Variants in AKT3 observed in about 807,000 individuals in gnomAD.
The protein encoded by AKT3 is AKT serine/threonine kinase 3, also known as RAC-gamma serine/threonine-protein kinase.
Under a neutral mutation model 65.3 loss-of-function variants are expected in AKT3, and 15 were observed. That is an observed-to-expected ratio of 0.23 (90% CI 0.15 to 0.35). The LOEUF (loss-of-function observed/expected upper bound fraction) is 0.35. Ranked by LOEUF, AKT3 falls within the 10% of genes least tolerant of loss-of-function variation. AKT3 has a pLI of 1.00. For synonymous variants in AKT3, 206 were observed against 183.8 expected, an observed-to-expected ratio of 1.12 and a Z score of -0.98; for missense variants, 243 against 576.5, an observed-to-expected ratio of 0.42 and a Z score of 5.92.
intron 5 of AKT3, among the ~76,000 whole-genome samples, chr1:243,641,390 CATT>C (rs1474950135): frequency 6.7e-6 from 1 of 149,504 alleles, no homozygotes. Flanking sequence ...AACTCAGAAA[CATT>C]ATTTTCATAA....
chr1:243,807,105 A>G lies in AKT3; in HGVS notation c.46+36020T>C, dbSNP rs147724669. On this transcript the variant is annotated intron_variant, in intron 2 of 13. Transcript: ENST00000673466. ...GCTACAGTCTACAGATCCCAGTGTG[A>G]GCGACACAGAAGACGGGTGATTTCT... Among the ~76,000 whole-genome samples the G allele has an allele frequency of 4.9e-3, 750 of 152,316 alleles. 5 individuals carry two copies. Among genetic ancestry groups the G allele is most frequent in the African/African-American group, 0.017 (704 of 41,580 alleles).
intron 12 of AKT3, among the ~76,000 whole-genome samples, chr1:243,523,258 CG>C: frequency 7.9e-6 from 1 of 126,316 alleles, no homozygotes; most frequent in Non-Finnish European, 1.6e-5. Flanking sequence ...CCAAAAAGGA[CG>C]AACACACACA....
chr1:243,523,260 A>AACACACACACACACACACACACACACAC (rs547403507), intron 12 of AKT3, among the ~76,000 whole-genome samples: 3 of 126,402 alleles, frequency 2.4e-5, no homozygotes, highest in African/African-American at 6.0e-5. Flanking sequence ...AAAAAGGACG[A>AACACACACACACACACACACACACACAC]ACACACACAC....
At chr1:243,605,092 A>G (rs1677296453) in intron 8 of AKT3, among the ~76,000 whole-genome samples, 2 of 152,142 alleles carry the variant, frequency 1.3e-5, no homozygotes, top group African/African-American at 4.8e-5. Context: ...TAGCACAACC[A>G]TGGCTCACTA....
chr1:243,657,837 T>A (rs755214557), intron 4 of AKT3, among the ~76,000 whole-genome samples: 33 of 152,028 alleles, frequency 2.2e-4, no homozygotes, highest in Non-Finnish European at 4.1e-4. Flanking sequence ...TAAAACCATA[T>A]ATATATACAG....
intron 8 of AKT3, among the ~76,000 whole-genome samples, chr1:243,597,176 T>A (rs567605725): frequency 6.6e-6 from 1 of 152,310 alleles, no homozygotes; most frequent in East Asian, 1.9e-4. Context: ...AGTCATCTAA[T>A]CATATACTTA....
chr1:243,581,450 A>T (rs1675344973), intron 8 of AKT3, among the ~76,000 whole-genome samples: 1 of 152,246 alleles, frequency 6.6e-6, no homozygotes, highest in Non-Finnish European at 1.5e-5. Context: ...AAAATTGGCC[A>T]AAAGCAGCAC....
chr1:243,580,082 C>T (rs927850938), intron 8 of AKT3, among the ~76,000 whole-genome samples: 2 of 152,172 alleles, frequency 1.3e-5, no homozygotes, highest in African/African-American at 2.4e-5. Flanking sequence ...CTGCACGCCT[C>T]AGCCACTTGG....
chr1:243,573,840 G>C (rs1310175241), intron 8 of AKT3, among the ~76,000 whole-genome samples: 1 of 152,018 alleles, frequency 6.6e-6, no homozygotes, highest in African/African-American at 2.4e-5. Flanking sequence ...CTGTGACCAA[G>C]TACACGGCTC....
intron 2 of AKT3, among the ~76,000 whole-genome samples, chr1:243,832,119 CTAAAAAAAAAAAAAAAAAAAAAAA>C (rs1694562375): frequency 1.9e-4 from 1 of 5,266 alleles, no homozygotes; most frequent in African/African-American, 5.4e-4. Flanking sequence ...ATCCCTAAAA[CTAAAAAAAAAAAAAAAAAAAAAAA>C]AAAAAAAAAA....
intron 4 of AKT3, among the ~76,000 whole-genome samples, chr1:243,657,010 A>T (rs1681853121): frequency 6.6e-6 from 1 of 152,228 alleles, no homozygotes. Flanking sequence ...TAAAACTATC[A>T]GAAATGAAGA....
intron 2 of AKT3, among the ~76,000 whole-genome samples, chr1:243,805,434 A>C (rs1692663984): frequency 6.6e-6 from 1 of 152,186 alleles, no homozygotes; most frequent in South Asian, 2.1e-4. Context: ...CTTAAAAAAA[A>C]TATTTCACTT....
chr1:243,639,896 T>C (rs1445277742), intron 5 of AKT3, among the ~76,000 whole-genome samples: 1 of 152,216 alleles, frequency 6.6e-6, no homozygotes, highest in African/African-American at 2.4e-5. Context: ...AGAACCCATG[T>C]GGTCTCCCAG....
chr1:243,626,612 C>T (rs1679183067), intron 6 of AKT3, among the ~76,000 whole-genome samples: 1 of 152,140 alleles, frequency 6.6e-6, no homozygotes, highest in Non-Finnish European at 1.5e-5. Flanking sequence ...AGGCCATATG[C>T]ACACCTGTAG....
chr1:243,622,357 G>A (rs1173530530), intron 6 of AKT3, among the ~76,000 whole-genome samples: 3 of 152,220 alleles, frequency 2.0e-5, no homozygotes, highest in East Asian at 1.9e-4. Context: ...CCCCAAAATC[G>A]CTACCATCAT....
At chr1:243,701,946 A>G (rs1182161223) in intron 2 of AKT3, among the ~76,000 whole-genome samples, 4 of 152,114 alleles carry the variant, frequency 2.6e-5, no homozygotes. Flanking sequence ...TTTAATCACA[A>G]GCAAAGTCAC....
chr1:243,845,684 T>G (rs1009236214), intron 1 of AKT3, among the ~76,000 whole-genome samples: 1 of 151,780 alleles, frequency 6.6e-6, no homozygotes, highest in African/African-American at 2.4e-5. Context: ...AAAATCTGTC[T>G]TGGGAGCCTC....
chr1:243,664,887 A>G lies in AKT3; in HGVS notation c.173-4T>C. On this transcript the variant is annotated splice_polypyrimidine_tract_variant and splice_region_variant and intron_variant, in intron 3 of 13. Transcript: ENST00000673466. Reference sequence around the variant, plus strand: ...TCTGTTTTCATTAACTGGCATTCTAAGAATAAAATAAAATGTTTCTTTAAA... The same window carrying G: ...TCTGTTTTCATTAACTGGCATTCTAGGAATAAAATAAAATGTTTCTTTAAA... 6.8e-7 allele frequency: 1 copy of G among 1,478,042 alleles called. No homozygotes were observed. Among genetic ancestry groups the G allele is most frequent in the Non-Finnish European group, 9.2e-7 (1 of 1,090,008 alleles). 91.6% of individuals were successfully genotyped at this position (1,478,042 alleles called of 1,614,324 possible).
intron 2 of AKT3, among the ~76,000 whole-genome samples, chr1:243,729,615 T>C (rs1015913098): frequency 2.0e-5 from 3 of 152,176 alleles, no homozygotes; most frequent in Non-Finnish European, 4.4e-5. Context: ...CAGGGAGAAC[T>C]GTTAGGTAAA....
Sources: allele counts gnomAD v4.1 joint callset (sites outside exome capture counted in the v4.1 genomes callset), GRCh38; gene constraint gnomAD v4.1.1; transcripts MANE v1.5; gene names NCBI Gene and HGNC (gene_info 2026-07-23, HGNC 2026-07-21).